TCF7L2: variants seen among roughly 807,000 people sequenced by gnomAD.
TCF7L2 encodes the protein transcription factor 7 like 2, also known as transcription factor 7-like 2.
TCF7L2 carries 23 observed loss-of-function variants against 77.9 expected under a neutral mutation model. The ratio of observed to expected loss-of-function variants is 0.30; its 90% CI spans 0.21 to 0.42. TCF7L2 has a LOEUF of 0.42. TCF7L2 is among the 10% of genes least tolerant of loss of function. The pLI, the probability that TCF7L2 is intolerant of heterozygous loss-of-function variation, is 1.00. For synonymous variants in TCF7L2, 413 were observed against 340.2 expected (o/e 1.21, Z -2.36); for missense variants, 654 against 793.1 (o/e 0.82, Z 2.11).
At chr10:112,955,930 C>G (rs2094405) in intron 3 of TCF7L2, among the ~76,000 whole-genome samples, 4 of 151,218 alleles carry the variant, frequency 2.6e-5, no homozygotes, top group African/African-American at 9.7e-5. Context: ...TTCCAGGTTT[C>G]GAATGCCTCC....
At chr10:112,954,275 A>T (rs1322621726) in intron 3 of TCF7L2, among the ~76,000 whole-genome samples, 1 of 152,184 alleles carries the variant, frequency 6.6e-6, no homozygotes, top group African/African-American at 2.4e-5. Flanking sequence ...GATTTTTGCT[A>T]CATTTTCTGT....
At chr10:113,047,732 C>G (rs541500946) in intron 5 of TCF7L2, among the ~76,000 whole-genome samples, 1 of 151,952 alleles carries the variant, frequency 6.6e-6, no homozygotes, top group African/African-American at 2.4e-5. Context: ...GGATTATGAC[C>G]CTGAGTTATG....
At chr10:113,002,305 G>T (rs6585197) in intron 4 of TCF7L2, among the ~76,000 whole-genome samples, 81,047 of 152,006 alleles carry the variant, frequency 0.53, 24,348 homozygotes, top group African/African-American at 0.81. Context: ...GCTGCTGGAT[G>T]CAAGTTGTTT....
intron 4 of TCF7L2, among the ~76,000 whole-genome samples, chr10:113,036,106 TCATCATCAC>T (rs1232031894): frequency 2.8e-4 from 36 of 129,964 alleles, no homozygotes; most frequent in Non-Finnish European, 4.8e-5. Context: ...CATATCATCA[TCATCATCAC>T]CATCATCATC....
At chr10:112,971,416 C>T (rs888751357) in intron 4 of TCF7L2, among the ~76,000 whole-genome samples, 7 of 152,094 alleles carry the variant, frequency 4.6e-5, no homozygotes, top group Non-Finnish European at 1.0e-4. Flanking sequence ...TCAAGCGATT[C>T]CCGTGCCTCA....
intron 4 of TCF7L2, among the ~76,000 whole-genome samples, chr10:113,020,544 A>G (rs2048113380): frequency 6.6e-6 from 1 of 152,200 alleles, no homozygotes; most frequent in African/African-American, 2.4e-5. Context: ...CTTTGCTGAC[A>G]TGGTGCAAAG....
intron 6 of TCF7L2, 71 bp from the exon 7 acceptor site, chr10:113,143,852 T>C (rs1355590230): frequency 3.5e-6 from 4 of 1,130,948 alleles, no homozygotes; most frequent in Non-Finnish European, 5.2e-6. Flanking sequence ...CTTTCCCTGT[T>C]CCCATCCCCT....
intron 4 of TCF7L2, among the ~76,000 whole-genome samples, chr10:112,973,968 A>G (rs2038864279): frequency 6.6e-6 from 1 of 152,168 alleles, no homozygotes; most frequent in Non-Finnish European, 1.5e-5. Flanking sequence ...GCAAGGAAAC[A>G]GGTGCATGGA....
At chr10:112,952,424 C>T (rs2032008005) in intron 3 of TCF7L2, among the ~76,000 whole-genome samples, 1 of 152,122 alleles carries the variant, frequency 6.6e-6, no homozygotes, top group African/African-American at 2.4e-5. Flanking sequence ...TGCGGGCTCT[C>T]CCGGGCCGCG....
intron 5 of TCF7L2, among the ~76,000 whole-genome samples, chr10:113,124,819 T>C (rs764776864): frequency 3.3e-5 from 5 of 151,984 alleles, no homozygotes; most frequent in Non-Finnish European, 7.3e-5. Flanking sequence ...GTTTAATTTC[T>C]GATAAAACTT....
At chr10:113,097,599 G>T (rs2061143908) in intron 5 of TCF7L2, among the ~76,000 whole-genome samples, 1 of 130,024 alleles carries the variant, frequency 7.7e-6, no homozygotes, top group Non-Finnish European at 1.6e-5. Flanking sequence ...GTTGCAGTGA[G>T]CCAAGACTGC....
In TCF7L2 at chr10:113,144,035, T is replaced by G. The variant is rs781661968; in HGVS notation, c.788+10T>G. 1.2e-6 allele frequency: 2 copies of G among 1,608,250 alleles called. No individual in the cohort carries two copies. Among genetic ancestry groups the G allele is most frequent in the South Asian group, 1.1e-5 (1 of 90,706 alleles). On this transcript the variant is annotated intron_variant, in intron 7 of 13. Transcript: ENST00000627217. ...GATGGTTAGTACCACAGTAAGGAGT[T>G]CCATTTTTTAATTTCCTTTTTGTTT...
Position 113,160,010 on chromosome 10 carries a change from G to A in TCF7L2, c.1319-609G>A. 1 of 1,612,726 alleles carries A rather than the reference G, an allele frequency of 6.2e-7. No individual in the cohort carries two copies. Among genetic ancestry groups the A allele is most frequent in the Middle Eastern group, 1.7e-4 (1 of 6,042 alleles). On this transcript the variant is annotated intron_variant, in intron 12 of 13. Transcript: ENST00000627217. ...CCTTGCAGGTGTGTATAGTTTTCCA[G>A]ATTCGCTGTGCTGGTTTGCAGCTGG...
At chr10:112,951,635 C>T (rs555488416) in intron 3 of TCF7L2, 28 bp downstream of exon 3, 4 of 1,104,226 alleles carry the variant, frequency 3.6e-6, no homozygotes, top group African/African-American at 1.8e-5. Context: ...CGGCCCCCGC[C>T]CGCTGCCCGC....
chr10:112,984,548 T>C (rs1323144838), intron 4 of TCF7L2, among the ~76,000 whole-genome samples: 2 of 151,940 alleles, frequency 1.3e-5, no homozygotes, highest in Admixed American at 6.6e-5. Context: ...CCCCCACCCC[T>C]TTTAAGTCCC....
At position 112,963,936 on chromosome 10, in the gene TCF7L2, T is replaced by TA. The variant is rs140016761; in HGVS notation, c.382-619dup. Among the ~76,000 whole-genome samples, 697 of 152,274 alleles carry TA rather than the reference T, an allele frequency of 4.6e-3. 14 individuals carry two copies. The highest frequency in any genetic ancestry group is 0.032 in the East Asian group (166 of 5,194). On this transcript the variant is annotated intron_variant, in intron 3 of 13. Coordinates refer to ENST00000627217, the MANE Select transcript of TCF7L2 (RefSeq NM_001146274.2). The stretch of plus-strand genomic sequence containing the variant: ...GCCCTCTCTTTGGGGAAGTGTGGAT[T>TA]ACTAGAGTGCAGGCGACAGAGATGG...
chr10:112,961,104 C>T (rs1398779471), intron 3 of TCF7L2, among the ~76,000 whole-genome samples: 12 of 150,308 alleles, frequency 8.0e-5, no homozygotes, highest in Non-Finnish European at 4.4e-5. Flanking sequence ...ACCTCCCCCT[C>T]CCGGGTTCAA....
intron 4 of TCF7L2, among the ~76,000 whole-genome samples, chr10:112,978,001 T>G (rs2039752487): frequency 6.6e-6 from 1 of 152,210 alleles, no homozygotes; most frequent in Non-Finnish European, 1.5e-5. Context: ...CTTTCTCTAT[T>G]TCTAAACCCT....
chr10:113,154,486 G>A (rs368436590), intron 11 of TCF7L2, among the ~76,000 whole-genome samples: 3 of 152,098 alleles, frequency 2.0e-5, no homozygotes, highest in South Asian at 2.1e-4. Context: ...TGTGCAGGGC[G>A]TGCACTGCAC....
Sources: allele counts gnomAD v4.1 joint callset (sites outside exome capture counted in the v4.1 genomes callset), GRCh38; gene constraint gnomAD v4.1.1; transcripts MANE v1.5; gene names NCBI Gene and HGNC (gene_info 2026-07-23, HGNC 2026-07-21).